TBC1D31: variants seen among roughly 807,000 people sequenced by gnomAD.
TBC1D31 encodes TBC1 domain family member 31.
In TBC1D31, 99 loss-of-function variants were observed where a neutral mutation model predicts 132.9. The ratio of observed to expected loss-of-function variants is 0.74; its 90% CI spans 0.63 to 0.88. TBC1D31 has a LOEUF of 0.88. Ranked by LOEUF, TBC1D31 falls within the 40% of genes least tolerant of loss-of-function variation. The pLI is 0.00. For synonymous variants in TBC1D31, 385 were observed against 419.4 expected (o/e 0.92, Z 1.00); for missense variants, 1,134 against 1,256.6 (o/e 0.90, Z 1.48).
chr8:123,097,318 T>C lies in TBC1D31; in HGVS notation c.708T>C (p.Asn236=). The change falls in exon 6 of 22, where the codon AAT becomes AAC. Residue 236 remains asparagine, a synonymous_variant. Transcript: ENST00000287380. ...GRILAAGGKS[N]HLHLWCLEAR... Reference sequence around the variant, plus strand: ...TCCTGGCTGCTGGAGGCAAGTCAAATCATCTTCATTTGTGGTGCTTGGAAG... The same window carrying C: ...TCCTGGCTGCTGGAGGCAAGTCAAACCATCTTCATTTGTGGTGCTTGGAAG... 2 of 1,614,188 alleles carry C rather than the reference T, an allele frequency of 1.2e-6. No homozygotes were observed. Among genetic ancestry groups the C allele is most frequent in the Non-Finnish European group, 1.7e-6 (2 of 1,180,028 alleles).
chr8:123,133,713 A>G (rs548403176), intron 16 of TBC1D31, among the ~76,000 whole-genome samples: 1 of 152,308 alleles, frequency 6.6e-6, no homozygotes, highest in Admixed American at 6.5e-5. Flanking sequence ...AGAATTGTTA[A>G]TTGTCAAACC....
chr8:123,110,601 C>T (rs1818350081), intron 10 of TBC1D31, among the ~76,000 whole-genome samples: 1 of 152,172 alleles, frequency 6.6e-6, no homozygotes, highest in Non-Finnish European at 1.5e-5. Context: ...CAATTGCCAA[C>T]TCATAGCCAA....
intron 17 of TBC1D31, among the ~76,000 whole-genome samples, chr8:123,137,963 T>C (rs879368904): frequency 9.9e-5 from 15 of 152,192 alleles, no homozygotes; most frequent in Non-Finnish European, 2.2e-4. Flanking sequence ...TTTCCCTCTT[T>C]TCCCTTTGGC....
chr8:123,077,048 A>G (rs1814598744), intron 1 of TBC1D31, 63 bp from the exon 2 acceptor site: 3 of 1,454,496 alleles, frequency 2.1e-6, no homozygotes, highest in Non-Finnish European at 2.8e-6. Context: ...TACTTGCCAT[A>G]TTTTTCATAA....
chr8:123,072,938 G>T, intron 1 of TBC1D31, 92 bp downstream of exon 1: 2 of 1,304,102 alleles, frequency 1.5e-6, no homozygotes, highest in Non-Finnish European at 2.1e-6. Flanking sequence ...CCGGGTTCTG[G>T]CTCTGACCTT....
At chr8:123,123,988 G>A (rs2130747556) in intron 11 of TBC1D31, among the ~76,000 whole-genome samples, 1 of 151,408 alleles carries the variant, frequency 6.6e-6, no homozygotes. Flanking sequence ...AATGGGGATA[G>A]TAGTTTTTCA....
chr8:123,087,736 A>G (rs940634376), intron 4 of TBC1D31, among the ~76,000 whole-genome samples: 1 of 152,218 alleles, frequency 6.6e-6, no homozygotes, highest in Non-Finnish European at 1.5e-5. Flanking sequence ...TTGCTTGGAC[A>G]TTTAGACATT....
intron 4 of TBC1D31, among the ~76,000 whole-genome samples, chr8:123,092,808 A>ATTTTGTTTTTT (rs1816462839): frequency 9.7e-6 from 1 of 103,558 alleles, no homozygotes; most frequent in Non-Finnish European, 1.9e-5. Context: ...CACCCGGCTA[A>ATTTTGTTTTTT]TTTTTTTTTT....
intron 2 of TBC1D31, among the ~76,000 whole-genome samples, chr8:123,079,482 T>G (rs1346531968): frequency 6.6e-6 from 1 of 152,194 alleles, no homozygotes; most frequent in Admixed American, 6.5e-5. Flanking sequence ...TGGGCCCAAC[T>G]TTTCTACCCT....
At chr8:123,162,162 C>A in the TBC1D31 span, among the ~76,000 whole-genome samples, 1 of 152,050 alleles carries the variant, frequency 6.6e-6, no homozygotes, top group African/African-American at 2.4e-5. Context: ...GAACTCATTT[C>A]CATTCTACTT....
chr8:123,119,964 T>C (rs559652143), intron 10 of TBC1D31, 91 bp from the exon 11 acceptor site: 2 of 1,172,052 alleles, frequency 1.7e-6, no homozygotes, highest in South Asian at 3.5e-5. Flanking sequence ...AGGAAGAATT[T>C]TCACCAAATA....
chr8:123,159,273 AAAAAAAAAAAG>A, the TBC1D31 span, among the ~76,000 whole-genome samples: 5 of 143,498 alleles, frequency 3.5e-5, no homozygotes, highest in African/African-American at 5.4e-5. Context: ...AACAGGAAAA[AAAAAAAAAAAG>A]AAAAAGAAAA....
chr8:123,118,917 G>A (rs1437158267), intron 10 of TBC1D31, among the ~76,000 whole-genome samples: 2 of 152,122 alleles, frequency 1.3e-5, no homozygotes, highest in Non-Finnish European at 2.9e-5. Context: ...GTAGAGATGA[G>A]GTCTCGCTCT....
intron 11 of TBC1D31, among the ~76,000 whole-genome samples, chr8:123,125,721 G>C (rs777213397): frequency 1.3e-5 from 2 of 152,088 alleles, no homozygotes; most frequent in Non-Finnish European, 2.9e-5. Flanking sequence ...TTAAATAGGG[G>C]CCCTTTTTAA....
At chr8:123,072,901 A>G in intron 1 of TBC1D31, 55 bp downstream of exon 1, 1 of 1,507,490 alleles carries the variant, frequency 6.6e-7, no homozygotes, top group African/African-American at 1.4e-5. Flanking sequence ...ACCGGCGAGG[A>G]GGGGACGCCG....
intron 4 of TBC1D31, among the ~76,000 whole-genome samples, chr8:123,091,930 A>G (rs980627483): frequency 1.1e-4 from 17 of 152,242 alleles, no homozygotes; most frequent in African/African-American, 3.4e-4. Context: ...ATAGGATTAT[A>G]TATGCATTTG....
At chr8:123,084,429 T>A in intron 4 of TBC1D31, 89 bp downstream of exon 4, 1 of 1,291,838 alleles carries the variant, frequency 7.7e-7, no homozygotes, top group Admixed American at 2.1e-5. Context: ...GAGTAATGAT[T>A]CACTTTGTCC....
chr8:123,123,986 T>C (rs1189399555), intron 11 of TBC1D31, among the ~76,000 whole-genome samples: 2 of 151,964 alleles, frequency 1.3e-5, no homozygotes, highest in African/African-American at 4.8e-5. Flanking sequence ...TGAATGGGGA[T>C]AGTAGTTTTT....
chr8:123,077,364 T>C, intron 2 of TBC1D31, 107 bp downstream of exon 2: 1 of 1,211,106 alleles, frequency 8.3e-7, no homozygotes, highest in Non-Finnish European at 1.1e-6. Context: ...TTAAGTTCTA[T>C]TATATTTCAG....
Sources: allele counts gnomAD v4.1 joint callset (sites outside exome capture counted in the v4.1 genomes callset), GRCh38; gene constraint gnomAD v4.1.1; transcripts MANE v1.5; gene names NCBI Gene and HGNC (gene_info 2026-07-23, HGNC 2026-07-21).